The following ZNF189 variants were observed in gnomAD, a reference collection of about 807,000 sequenced individuals.
The protein encoded by ZNF189 is zinc finger protein 189.
Under a neutral mutation model 53.5 loss-of-function variants are expected in ZNF189, and 33 were observed. The observed-to-expected ratio is 0.62, with a 90% CI of 0.47 to 0.82. The LOEUF (loss-of-function observed/expected upper bound fraction) is 0.82, where lower values mean the gene tolerates loss of function less well. ZNF189 is among the 40% of genes least tolerant of loss of function. The probability of loss-of-function intolerance (pLI) is 0.00; values close to 1 mark genes in which losing one functional copy is unlikely to be tolerated. For synonymous variants in ZNF189, 247 were observed against 238.8 expected (o/e 1.03, Z -0.32); for missense variants, 711 against 753.9 (o/e 0.94, Z 0.67).
rs775327279 is a variant in ZNF189, at chr9:101,409,214, G to A, written c.1446G>A (p.Lys482=). ...VQHQRIHTGE[K]PYLCTVCGKS... is the part of the protein sequence containing the mutation. ...ATCAAAGAATCCACACTGGTGAAAAGCCCTATCTATGTACTGTCTGTGGGA... is the reference window on the plus strand; with the variant it reads ...ATCAAAGAATCCACACTGGTGAAAAACCCTATCTATGTACTGTCTGTGGGA... The change falls in exon 3 of 3, where the codon AAG becomes AAA. Residue 482 remains lysine, a synonymous_variant. Coordinates refer to ENST00000339664, the MANE Select transcript of ZNF189 (RefSeq NM_003452.4). The A allele has an allele frequency of 2.5e-6, 4 of 1,613,320 alleles. No homozygotes were observed. In the Admixed American group the frequency reaches 6.7e-5, roughly 27 times the overall value.
chr9:101,399,474 A>C (rs1199909064), intron 1 of ZNF189: 2 of 1,304,566 alleles, frequency 1.5e-6, no homozygotes, highest in Non-Finnish European at 1.9e-6. Context: ...CAGGTGAAGC[A>C]CCATTTTTGA....
Position 101,408,501 on chromosome 9 carries a change from A to C in ZNF189, c.733A>C (p.Arg245=). ...NQCKQSFSQR[R]SLVKHQRIHT... ...GTGTAAACAGAGCTTCAGCCAGAGA[A>C]GGAGCCTTGTTAAACATCAAAGGAT... Residue 245 remains arginine, a synonymous_variant, in exon 3 of 3, where the codon AGG becomes CGG. Transcript: ENST00000339664. The C allele has an allele frequency of 6.2e-7, 1 of 1,614,162 alleles. No homozygotes were observed. Among genetic ancestry groups the C allele is most frequent in the Non-Finnish European group, 8.5e-7 (1 of 1,180,034 alleles).
At chr9:101,401,921 A>G (rs72603702) in intron 2 of ZNF189, among the ~76,000 whole-genome samples, 3,410 of 149,446 alleles carry the variant, frequency 0.023, 121 homozygotes, top group African/African-American at 0.073. Context: ...AATAAGTCCC[A>G]TTTTTTTTTT....
intron 2 of ZNF189, among the ~76,000 whole-genome samples, chr9:101,401,078 A>G (rs573001671): frequency 3.3e-5 from 5 of 152,288 alleles, no homozygotes; most frequent in Admixed American, 6.5e-5. Context: ...CAAACTTCAA[A>G]TCCTGTATTT....
intron 2 of ZNF189, among the ~76,000 whole-genome samples, chr9:101,403,808 C>T (rs190216199): frequency 5.3e-5 from 8 of 152,298 alleles, no homozygotes; most frequent in Admixed American, 3.9e-4. Context: ...CCAAAGGCCC[C>T]GCCTCCAAAT....
At chr9:101,402,374 T>C (rs1830569377) in intron 2 of ZNF189, among the ~76,000 whole-genome samples, 2 of 152,216 alleles carry the variant, frequency 1.3e-5, no homozygotes, top group African/African-American at 4.8e-5. Context: ...AGCACCTACC[T>C]CATAGGGTTA....
At chr9:101,407,381 T>TTTATTC (rs1227503068) in intron 2 of ZNF189, 1 of 398,010 alleles carries the variant, frequency 2.5e-6, no homozygotes, top group Non-Finnish European at 4.4e-6. Flanking sequence ...AGCATCTTTT[T>TTTATTC]TTATTTTTAT....
At position 101,409,014 on chromosome 9, in the gene ZNF189, A is replaced by G. The variant is rs781552113; in HGVS notation, c.1246A>G (p.Ile416Val). ...GKAFSRSSGLIQHQRIHTREK... is the reference protein window; with the variant it reads ...GKAFSRSSGLVQHQRIHTREK... Reference sequence around the variant, plus strand: ...AGCCTTTAGTAGAAGCTCAGGTCTTATTCAGCATCAGAGAATTCACACCAG... The same window carrying G: ...AGCCTTTAGTAGAAGCTCAGGTCTTGTTCAGCATCAGAGAATTCACACCAG... The change falls in exon 3 of 3, where the codon ATT (isoleucine) becomes GTT (valine). Residue 416 changes from isoleucine to valine, a missense_variant. By Grantham distance (29) the Ile-to-Val change is conservative (BLOSUM62 3). Coordinates refer to ENST00000339664, the MANE Select transcript of ZNF189 (RefSeq NM_003452.4). 2 of 1,614,170 alleles carry G rather than the reference A, an allele frequency of 1.2e-6. No homozygotes were observed. The highest frequency in any genetic ancestry group is 2.2e-5 in the South Asian group (2 of 91,078).
chr9:101,402,457 G>A (rs1830571405), intron 2 of ZNF189, among the ~76,000 whole-genome samples: 3 of 152,164 alleles, frequency 2.0e-5, no homozygotes, highest in Non-Finnish European at 4.4e-5. Context: ...CAATATAAAT[G>A]TTGACTTATA....
In ZNF189 at chr9:101,399,088, G is replaced by A. The variant is rs905569062; in HGVS notation, c.-69G>A. ...GTCGAGCCTAATTTCCAGCAGCCGGGTAGGCCTCACCAGAGGCTCCTTTCC... is the reference window on the plus strand; with the variant it reads ...GTCGAGCCTAATTTCCAGCAGCCGGATAGGCCTCACCAGAGGCTCCTTTCC... On this transcript the variant is annotated 5_prime_UTR_variant, in exon 1 of 3. Transcript: ENST00000339664. The A allele has an allele frequency of 2.8e-6, 3 of 1,077,102 alleles. No homozygotes were observed. Among genetic ancestry groups the A allele is most frequent in the Non-Finnish European group, 4.3e-6 (3 of 695,616 alleles). 66.7% of individuals were successfully genotyped at this position (1,077,102 alleles called of 1,614,324 possible).
chr9:101,402,962 T>C lies in ZNF189; in HGVS notation c.160+2952T>C, dbSNP rs571349212. Among the ~76,000 whole-genome samples the C allele has an allele frequency of 4.6e-5, 7 of 152,334 alleles. 1 individual carries two copies. The East Asian group carries it at 1.2e-3, about 25-fold the overall frequency. Reference sequence around the variant, plus strand: ...TTAACTGTGTAAAACTTCTGATGGTTCCTGATAGCTTAAATGATAAAAATC... The same window carrying C: ...TTAACTGTGTAAAACTTCTGATGGTCCCTGATAGCTTAAATGATAAAAATC... On this transcript the variant is annotated intron_variant, in intron 2 of 2. Coordinates refer to ENST00000339664, the MANE Select transcript of ZNF189 (RefSeq NM_003452.4).
At chr9:101,399,825 T>C in intron 1 of ZNF189, 59 bp from the exon 2 acceptor site, 1 of 1,609,612 alleles carries the variant, frequency 6.2e-7, no homozygotes. Flanking sequence ...CTGTCACTTT[T>C]AGTGGTAGAA....
chr9:101,404,600 AACTT>A (rs1476129192), intron 2 of ZNF189, among the ~76,000 whole-genome samples: 2 of 152,186 alleles, frequency 1.3e-5, no homozygotes, highest in Non-Finnish European at 2.9e-5. Flanking sequence ...AATATTTACT[AACTT>A]TTTTTGTACT....
intron 2 of ZNF189, 147 bp from the exon 3 acceptor site, chr9:101,407,782 A>G: frequency 1.3e-6 from 1 of 742,350 alleles, no homozygotes; most frequent in Middle Eastern, 4.0e-4. Context: ...AACTTAGTGG[A>G]GTTTTTTTTC....
chr9:101,401,248 T>C (rs1199667674), intron 2 of ZNF189, among the ~76,000 whole-genome samples: 2 of 152,238 alleles, frequency 1.3e-5, no homozygotes, highest in African/African-American at 2.4e-5. Context: ...GTCACTGATA[T>C]GCTCACTGCC....
chr9:101,408,863 C>T lies in ZNF189; in HGVS notation c.1095C>T (p.Ile365=). The T allele has an allele frequency of 6.2e-7, 1 of 1,614,078 alleles. No homozygotes were observed. The highest frequency in any genetic ancestry group is 8.5e-7 in the Non-Finnish European group (1 of 1,180,008). Residue 365 remains isoleucine (I), a synonymous_variant, in exon 3 of 3, where the codon ATC becomes ATT. Transcript: ENST00000339664. The stretch of plus-strand genomic sequence containing the variant: ...CATTCCTTATTGAACATCAGAGGAT[C>T]CATACTGGTGAAAGACCTTATCAGT... ...RSSFLIEHQR[I]HTGERPYQCK...
At chr9:101,405,650 T>C (rs979806992) in intron 2 of ZNF189, among the ~76,000 whole-genome samples, 1 of 152,038 alleles carries the variant, frequency 6.6e-6, no homozygotes, top group Non-Finnish European at 1.5e-5. Context: ...GAGGGAAATT[T>C]ATCAGAAAAG....
intron 2 of ZNF189, among the ~76,000 whole-genome samples, chr9:101,404,463 A>G (rs1324900063): frequency 6.6e-6 from 1 of 152,114 alleles, no homozygotes; most frequent in African/African-American, 2.4e-5. Flanking sequence ...ACTCTGTTTA[A>G]CTGTATCCTT....
In ZNF189 at chr9:101,409,758, C is replaced by T; in HGVS notation, c.*109C>T. 7.8e-7 allele frequency: 1 copy of T among 1,275,124 alleles called. No homozygotes were observed. Among genetic ancestry groups the T allele is most frequent in the Non-Finnish European group, 1.1e-6 (1 of 950,284 alleles). 79.0% of individuals were successfully genotyped at this position (1,275,124 alleles called of 1,614,324 possible). A position where few individuals can be genotyped will look rare whatever the true frequency, so the allele number is the denominator to read the frequency against. On this transcript the variant is annotated 3_prime_UTR_variant, in exon 3 of 3. Coordinates refer to ENST00000339664, the MANE Select transcript of ZNF189 (RefSeq NM_003452.4). ...AGTGATAAAGCAAATTCTCCTTGGC[C>T]TCAGGCAAATAGTTTCTAAAGATTC...
Sources: allele counts gnomAD v4.1 joint callset (sites outside exome capture counted in the v4.1 genomes callset), GRCh38; gene constraint gnomAD v4.1.1; transcripts MANE v1.5; gene names NCBI Gene and HGNC (gene_info 2026-07-23, HGNC 2026-07-21).